PNLIPRP1: variants seen among roughly 807,000 people sequenced by gnomAD.
The protein encoded by PNLIPRP1 is pancreatic lipase related protein 1.
PNLIPRP1 carries 57 observed loss-of-function variants against 54.6 expected under a neutral mutation model. The ratio of observed to expected loss-of-function variants is 1.04; its 90% CI spans 0.84 to 1.30. The LOEUF (loss-of-function observed/expected upper bound fraction) is 1.30. PNLIPRP1 is among the 50% of genes most tolerant of loss of function. The pLI is 0.00. For synonymous variants in PNLIPRP1, 232 were observed against 208.8 expected (o/e 1.11, Z -0.96); for missense variants, 567 against 568.5 (o/e 1.00, Z 0.03).
At chr10:116,601,848 C>G (rs1554864821) in intron 10 of PNLIPRP1, among the ~76,000 whole-genome samples, 1 of 152,196 alleles carries the variant, frequency 6.6e-6, no homozygotes, top group Non-Finnish European at 1.5e-5. Context: ...AAATGTATAA[C>G]ACATCTTACA....
intron 9 of PNLIPRP1, 97 bp from the exon 10 acceptor site, chr10:116,600,975 G>A (rs370408220): frequency 1.2e-5 from 13 of 1,129,672 alleles, no homozygotes; most frequent in Middle Eastern, 2.5e-4. Flanking sequence ...AAAGGAGAAC[G>A]CTTAGGCTGT....
intron 10 of PNLIPRP1, among the ~76,000 whole-genome samples, chr10:116,602,431 C>A (rs1302960456): frequency 5.3e-5 from 8 of 152,180 alleles, no homozygotes. Flanking sequence ...ACTCAAAAAC[C>A]AGGTATTCAT....
At chr10:116,593,538 C>G (rs1190976890) in intron 4 of PNLIPRP1, among the ~76,000 whole-genome samples, 1 of 152,178 alleles carries the variant, frequency 6.6e-6, no homozygotes, top group African/African-American at 2.4e-5. Context: ...CTGCACTTGC[C>G]CTTGGTTTAA....
At chr10:116,594,571 A>C (rs1389759982) in intron 4 of PNLIPRP1, 159 bp from the exon 5 acceptor site, 2 of 766,946 alleles carry the variant, frequency 2.6e-6, no homozygotes, top group African/African-American at 3.4e-5. Context: ...ATTCACCCTG[A>C]AGGATAACTC....
Position 116,594,824 on chromosome 10 carries a change from T to TG in PNLIPRP1, c.427dup (p.Val143GlyfsTer17). 1 of 1,613,688 alleles carries TG rather than the reference T, an allele frequency of 6.2e-7. No homozygotes were observed. The highest frequency in any genetic ancestry group is 8.5e-7 in the Non-Finnish European group (1 of 1,179,924). ...ACACAGGCTGCCAACAACGTGCGAG[T>TG]GGTGGGCGCCCAGGTGGCCCAGATG... On this transcript the variant is annotated frameshift_variant, in exon 5 of 13. Coordinates refer to ENST00000358834, the MANE Select transcript of PNLIPRP1 (RefSeq NM_006229.4). LOFTEE classifies it high-confidence loss of function.
intron 5 of PNLIPRP1, chr10:116,595,121 C>T (rs1847712676): frequency 2.2e-6 from 1 of 453,392 alleles, no homozygotes; most frequent in Non-Finnish European, 4.0e-6. Context: ...GAAAGTTTAA[C>T]TAGTTTGCTC....
chr10:116,599,277 A>AAAATAAAATAAAATAAAATAAAAT (rs1847789867), intron 8 of PNLIPRP1, among the ~76,000 whole-genome samples: 2 of 151,152 alleles, frequency 1.3e-5, no homozygotes, highest in Non-Finnish European at 1.5e-5. Context: ...AAAATAAAAT[A>AAAATAAAATAAAATAAAATAAAAT]AAATAAAATA....
chr10:116,599,802 G>A (rs920331597), intron 8 of PNLIPRP1, among the ~76,000 whole-genome samples: 2 of 152,128 alleles, frequency 1.3e-5, no homozygotes, highest in African/African-American at 4.8e-5. Flanking sequence ...AGGATGATAT[G>A]GTACCCACCT....
intron 4 of PNLIPRP1, 129 bp downstream of exon 4, chr10:116,592,670 A>G: frequency 8.7e-7 from 1 of 1,151,112 alleles, no homozygotes; most frequent in Non-Finnish European, 1.3e-6. Flanking sequence ...GCTTCTCTTC[A>G]CAAAAATTAA....
intron 10 of PNLIPRP1, among the ~76,000 whole-genome samples, chr10:116,602,643 G>T (rs538670073): frequency 6.6e-6 from 1 of 152,294 alleles, no homozygotes; most frequent in East Asian, 1.9e-4. Context: ...GGAGGGTCAG[G>T]GTCAAGGTCT....
At chr10:116,594,443 G>A (rs1453388719) in intron 4 of PNLIPRP1, 4 of 530,202 alleles carry the variant, frequency 7.5e-6, no homozygotes, top group Non-Finnish European at 1.1e-5. Flanking sequence ...TTTTCATGAT[G>A]CAATTGTTTT....
chr10:116,607,738 G>A (rs190787164), intron 12 of PNLIPRP1, among the ~76,000 whole-genome samples: 259 of 152,310 alleles, frequency 1.7e-3, no homozygotes, highest in African/African-American at 5.8e-3. Flanking sequence ...AGAGAAGTCC[G>A]TGGTTCTTGA....
rs782718271 is a variant in PNLIPRP1, at chr10:116,601,111, A to T, written c.973A>T (p.Met325Leu). 6.2e-7 allele frequency: 1 copy of T among 1,613,966 alleles called. No individual in the cohort carries two copies. Among genetic ancestry groups the T allele is most frequent in the South Asian group, 1.1e-5 (1 of 91,056 alleles). Reference sequence around the variant, plus strand: ...GTGTCCAGATCAAGGATGCCCACAGATGGGTCACTATGCTGATAAATTTGC... The same window carrying T: ...GTGTCCAGATCAAGGATGCCCACAGTTGGGTCACTATGCTGATAAATTTGC... ...FPCPDQGCPQ[M>L]GHYADKFAGR... The change falls in exon 10 of 13, where the codon ATG (methionine) becomes TTG (leucine). Residue 325 changes from methionine (M) to leucine (L), a missense_variant. By Grantham distance (15) the Met-to-Leu change is conservative. Coordinates refer to ENST00000358834, the MANE Select transcript of PNLIPRP1 (RefSeq NM_006229.4).
rs1554863710 is a variant in PNLIPRP1, at chr10:116,594,757, T to C, written c.358T>C (p.Cys120Arg). The C allele has an allele frequency of 6.2e-7, 1 of 1,614,138 alleles. No individual in the cohort carries two copies. The change falls in exon 5 of 13, where the codon TGC becomes CGC. Residue 120 changes from cysteine (C) to arginine (R), a missense_variant. Coordinates refer to ENST00000358834, the MANE Select transcript of PNLIPRP1 (RefSeq NM_006229.4). ...ACTGTTCGAGGTGGAGGAGGTGAAC[T>C]GCATCTGCGTGGACTGGAAGAAGGG... ...KKLFEVEEVN[C>R]ICVDWKKGSQ...
chr10:116,607,704 C>T (rs1847958715), intron 12 of PNLIPRP1, among the ~76,000 whole-genome samples: 1 of 152,266 alleles, frequency 6.6e-6, no homozygotes, highest in East Asian at 1.9e-4. Context: ...GCAAAGCTTC[C>T]GAGCTCACAG....
intron 6 of PNLIPRP1, among the ~76,000 whole-genome samples, chr10:116,596,951 T>G (rs1847748668): frequency 6.6e-6 from 1 of 152,178 alleles, no homozygotes; most frequent in African/African-American, 2.4e-5. Flanking sequence ...ATGCTTTATA[T>G]TTTCTTATAT....
intron 6 of PNLIPRP1, among the ~76,000 whole-genome samples, chr10:116,597,622 A>G (rs1331151063): frequency 2.0e-5 from 3 of 152,200 alleles, no homozygotes; most frequent in African/African-American, 7.2e-5. Context: ...GTCCTCCTCC[A>G]TCCACGCCAC....
intron 3 of PNLIPRP1, 95 bp from the exon 4 acceptor site, chr10:116,592,320 GA>G: frequency 7.1e-7 from 1 of 1,414,726 alleles, no homozygotes; most frequent in Non-Finnish European, 9.5e-7. Context: ...GCTAAGCTTT[GA>G]AAAGTAGAGG....
chr10:116,593,267 A>C (rs1219349913), intron 4 of PNLIPRP1: 1 of 154,648 alleles, frequency 6.5e-6, no homozygotes, highest in Non-Finnish European at 1.4e-5. Context: ...GCAACAGAAG[A>C]ATACACACAT....
Sources: gnomAD v4.1 joint callset for allele counts (sites outside exome capture counted in the v4.1 genomes callset) on GRCh38, gnomAD v4.1.1 for gene constraint, MANE v1.5 for transcripts, NCBI Gene and HGNC (gene_info 2026-07-23, HGNC 2026-07-21) for gene names.